IPO11: variants seen among roughly 807,000 people sequenced by gnomAD.
IPO11 encodes importin 11.
IPO11 carries 66 observed loss-of-function variants against 143.2 expected under a neutral mutation model. The ratio of observed to expected loss-of-function variants is 0.46; its 90% CI spans 0.38 to 0.57. The LOEUF (loss-of-function observed/expected upper bound fraction) is 0.57, where lower values mean the gene tolerates loss of function less well. Ranked by LOEUF, IPO11 falls within the 20% of genes least tolerant of loss-of-function variation. The pLI is 0.00. For synonymous variants in IPO11, 385 were observed against 377.8 expected (o/e 1.02, Z -0.22); for missense variants, 1,026 against 1,141.0 (o/e 0.90, Z 1.45).
intron 1 of IPO11, among the ~76,000 whole-genome samples, chr5:62,413,198 A>G (rs1743177230): frequency 6.6e-6 from 1 of 152,210 alleles, no homozygotes; most frequent in Admixed American, 6.5e-5. Flanking sequence ...GGCTGAGCAG[A>G]GGCGAGTGTA....
chr5:62,436,615 G>A (rs1356219477), intron 1 of IPO11, among the ~76,000 whole-genome samples: 4 of 152,194 alleles, frequency 2.6e-5, no homozygotes, highest in African/African-American at 9.7e-5. Context: ...AATGGCTTCA[G>A]CTACATGGTA....
intron 9 of IPO11, among the ~76,000 whole-genome samples, chr5:62,477,428 A>AG (rs1400380307): frequency 9.9e-5 from 15 of 152,106 alleles, no homozygotes; most frequent in Non-Finnish European, 1.5e-5. Flanking sequence ...ATTCCCTGGG[A>AG]GGGGAGTAAA....
chr5:62,518,709 CTGTATGTTTT>C (rs1248288390), intron 20 of IPO11, among the ~76,000 whole-genome samples: 1 of 152,032 alleles, frequency 6.6e-6, no homozygotes, highest in Non-Finnish European at 1.5e-5. Context: ...GTGTAAGTTT[CTGTATGTTTT>C]TGTTTGTTTT....
intron 20 of IPO11, among the ~76,000 whole-genome samples, chr5:62,521,533 T>TG (rs1742200814): frequency 6.6e-6 from 1 of 152,190 alleles, no homozygotes. Context: ...AGTTTCATGA[T>TG]GGGAGTGCCT....
In IPO11 at chr5:62,537,271, TC is replaced by T; in HGVS notation, c.2233del (p.Gln745LysfsTer14). On this transcript the variant is annotated frameshift_variant, in exon 24 of 30. Coordinates refer to ENST00000325324, the MANE Select transcript of IPO11 (RefSeq NM_016338.5). LOFTEE classifies it high-confidence loss of function. ...TTTTAAAGGAAATTACTACAGAAGG[TC>T]AAGTTCAGGTGCTCAAGGTATTGTG... ...ELLKEITTEG[Q>X]VQVLKVVENA... 6.3e-7 allele frequency: 1 copy of T among 1,599,070 alleles called. No homozygotes were observed. The highest frequency in any genetic ancestry group is 8.6e-7 in the Non-Finnish European group (1 of 1,167,494).
chr5:62,545,948 A>G (rs1743158721), intron 24 of IPO11, among the ~76,000 whole-genome samples: 1 of 152,196 alleles, frequency 6.6e-6, no homozygotes, highest in South Asian at 2.1e-4. Context: ...TCAGGAAACA[A>G]CAGGTGCTGG....
intron 29 of IPO11, 101 bp downstream of exon 29, chr5:62,601,949 C>G: frequency 3.4e-6 from 2 of 594,578 alleles, no homozygotes; most frequent in Non-Finnish European, 5.7e-6. Flanking sequence ...AGCTATATGT[C>G]TATCCATCTA....
intron 5 of IPO11, among the ~76,000 whole-genome samples, chr5:62,466,653 T>C (rs1171865186): frequency 1.3e-5 from 2 of 152,184 alleles, no homozygotes; most frequent in Admixed American, 6.5e-5. Context: ...TGAGAAACCA[T>C]GTGGTTTGTA....
rs547282697 is a variant in IPO11, at chr5:62,414,122, C to T, written c.-7+1193C>T. Among the ~76,000 whole-genome samples the T allele has an allele frequency of 5.9e-5, 9 of 152,294 alleles. 1 individual carries two copies. In the South Asian group the frequency reaches 1.9e-3, roughly 32 times the overall value. On this transcript the variant is annotated intron_variant, in intron 1 of 29. Transcript: ENST00000325324. ...CCAAAGAGAATTTTCACCACAAACA[C>T]ATTTGGCTGTGGTAATGTTAGAGGT...
rs114586498 is a variant in IPO11 at position 62,568,319 on chromosome 5, G to A, written c.2582+7062G>A. On this transcript the variant is annotated intron_variant, in intron 27 of 29. Coordinates refer to ENST00000325324, the MANE Select transcript of IPO11 (RefSeq NM_016338.5). Reference sequence around the variant, plus strand: ...CGTTACTCATTTTTTTCTTCTGCTTGATCAGTTTTGCTGTTGAGACCCTCT... The same window carrying A: ...CGTTACTCATTTTTTTCTTCTGCTTAATCAGTTTTGCTGTTGAGACCCTCT... Among the ~76,000 whole-genome samples, 669 of 151,372 alleles carry A rather than the reference G, an allele frequency of 4.4e-3. 6 individuals are homozygous for A. The highest frequency in any genetic ancestry group is 0.016 in the African/African-American group (645 of 41,234).
At chr5:62,583,069 A>G (rs920188185) in intron 27 of IPO11, among the ~76,000 whole-genome samples, 1 of 152,210 alleles carries the variant, frequency 6.6e-6, no homozygotes, top group African/African-American at 2.4e-5. Flanking sequence ...GAAAATGTGA[A>G]TATATTTAAA....
intron 29 of IPO11, among the ~76,000 whole-genome samples, chr5:62,607,674 A>C (rs1170620953): frequency 1.3e-5 from 2 of 152,208 alleles, no homozygotes; most frequent in Non-Finnish European, 2.9e-5. Flanking sequence ...AAATTATAGC[A>C]TTGTTGAAAA....
At chr5:62,490,339 A>T in intron 15 of IPO11, 119 bp downstream of exon 15, 1 of 555,960 alleles carries the variant, frequency 1.8e-6, no homozygotes, top group East Asian at 3.3e-5. Flanking sequence ...TAAGTTAGGT[A>T]ATGTCTTATG....
chr5:62,540,470 C>A (rs1742893837), intron 24 of IPO11, among the ~76,000 whole-genome samples: 2 of 152,166 alleles, frequency 1.3e-5, no homozygotes, highest in Non-Finnish European at 2.9e-5. Flanking sequence ...GGCTTTTCTG[C>A]AACAATATTG....
chr5:62,623,778 C>T (rs534284885), intron 29 of IPO11, among the ~76,000 whole-genome samples: 1 of 151,486 alleles, frequency 6.6e-6, no homozygotes, highest in Non-Finnish European at 1.5e-5. Flanking sequence ...CCATGGCCAG[C>T]TAATTTTTTG....
intron 3 of IPO11, among the ~76,000 whole-genome samples, chr5:62,444,774 C>T (rs185314371): frequency 1.3e-5 from 2 of 151,908 alleles, no homozygotes; most frequent in African/African-American, 2.4e-5. Context: ...GAGGGTGACA[C>T]AGGAGAATCA....
chr5:62,529,899 T>A (rs751262568), intron 21 of IPO11, among the ~76,000 whole-genome samples: 1 of 152,192 alleles, frequency 6.6e-6, no homozygotes, highest in Admixed American at 6.5e-5. Flanking sequence ...TCATGGATTG[T>A]GGTCAGATTA....
chr5:62,533,496 G>C (rs1054071533), intron 22 of IPO11, among the ~76,000 whole-genome samples: 1 of 152,042 alleles, frequency 6.6e-6, no homozygotes, highest in African/African-American at 2.4e-5. Flanking sequence ...ACAGGCGTGA[G>C]CCACCATGCC....
intron 29 of IPO11, among the ~76,000 whole-genome samples, chr5:62,606,480 TAAAAAAAAAAAAAAA>T: frequency 1.8e-5 from 1 of 56,108 alleles, no homozygotes; most frequent in East Asian, 6.9e-4. Context: ...GACCCTGTCT[TAAAAAAAAAAAAAAA>T]AAAAAAAAAA....
Sources: allele counts gnomAD v4.1 joint callset (sites outside exome capture counted in the v4.1 genomes callset), GRCh38; gene constraint gnomAD v4.1.1; transcripts MANE v1.5; gene names NCBI Gene and HGNC (gene_info 2026-07-23, HGNC 2026-07-21).